Variants in SIDT1 observed in about 807,000 individuals in gnomAD.
SIDT1 encodes the protein SID1 transmembrane family member 1.
Under a neutral mutation model 107.5 loss-of-function variants are expected in SIDT1, and 101 were observed. The observed-to-expected ratio is 0.94, with a 90% CI of 0.80 to 1.11. SIDT1 has a LOEUF of 1.11. SIDT1 is among the 50% of genes least tolerant of loss of function. The pLI is 0.00. For missense variants in SIDT1, 1,076 were observed against 1,058.2 expected, an observed-to-expected ratio of 1.02 and a Z score of -0.23; for synonymous variants, 395 against 398.2, an observed-to-expected ratio of 0.99 and a Z score of 0.10.
At chr3:113,569,964 G>A (rs572448161) in intron 3 of SIDT1, among the ~76,000 whole-genome samples, 1 of 152,254 alleles carries the variant, frequency 6.6e-6, no homozygotes, top group East Asian at 1.9e-4. Context: ...GGAGTGCAAT[G>A]GCATGATCTT....
At chr3:113,567,448 G>A (rs28539944) in intron 2 of SIDT1, 92 bp from the exon 3 acceptor site, 32,687 of 1,073,052 alleles carry the variant, frequency 0.03, 1,061 homozygotes, top group African/African-American at 0.14. Flanking sequence ...AATTTGGAGA[G>A]AAGCAAAATG....
Position 113,565,366 on chromosome 3 carries a change from T to C in SIDT1, c.223-1054T>C, listed in dbSNP as rs550057346. Among the ~76,000 whole-genome samples the C allele has an allele frequency of 1.6e-3, 243 of 151,838 alleles. 1 individual carries two copies. Among genetic ancestry groups the C allele is most frequent in the African/African-American group, 5.6e-3 (232 of 41,424 alleles). On this transcript the variant is annotated intron_variant, in intron 1 of 24. Transcript: ENST00000264852. ...GGCCAACATGGTGAAACCCCATCTC[T>C]ACTAAAAATACAAAAATTAGCCAGG... is the stretch of plus-strand genomic sequence containing the variant.
chr3:113,548,986 G>T (rs1011244688), intron 1 of SIDT1, among the ~76,000 whole-genome samples: 20 of 152,172 alleles, frequency 1.3e-4, no homozygotes, highest in African/African-American at 4.8e-4. Context: ...GAAGGCAGAA[G>T]TTGAAATCAT....
chr3:113,554,655 G>A (rs1940646218), intron 1 of SIDT1, among the ~76,000 whole-genome samples: 1 of 152,136 alleles, frequency 6.6e-6, no homozygotes, highest in Non-Finnish European at 1.5e-5. Flanking sequence ...AAATTACCCA[G>A]TCTTGGGTAT....
At position 113,533,005 on chromosome 3, in the gene SIDT1, C is replaced by A; in HGVS notation, c.-17C>A. On this transcript the variant is annotated 5_prime_UTR_variant, in exon 1 of 25. Coordinates refer to ENST00000264852, the MANE Select transcript of SIDT1 (RefSeq NM_017699.3). ...CCCAGGGTGGCTCCGCTTTCGAGCCCGGGCGCGGTGCCCACCATGCGCGGC... is the reference window on the plus strand; with the variant it reads ...CCCAGGGTGGCTCCGCTTTCGAGCCAGGGCGCGGTGCCCACCATGCGCGGC... The A allele has an allele frequency of 7.4e-7, 1 of 1,345,202 alleles. No homozygotes were observed. Among genetic ancestry groups the A allele is most frequent in the Non-Finnish European group, 9.5e-7 (1 of 1,052,304 alleles). 83.3% of individuals were successfully genotyped at this position (1,345,202 alleles called of 1,614,324 possible).
chr3:113,605,930 T>C (rs1456933503), intron 14 of SIDT1, among the ~76,000 whole-genome samples: 1 of 150,992 alleles, frequency 6.6e-6, no homozygotes, highest in Non-Finnish European at 1.5e-5. Flanking sequence ...CTTGAGCCTG[T>C]GGAGGTGTAG....
chr3:113,575,384 C>T (rs1942818447), intron 3 of SIDT1, among the ~76,000 whole-genome samples: 1 of 152,234 alleles, frequency 6.6e-6, no homozygotes, highest in Non-Finnish European at 1.5e-5. Flanking sequence ...GCCCTGGTAA[C>T]ACCGGGAGAC....
rs1254863571 is a variant in SIDT1, at chr3:113,604,829, A to G, written c.1338-81A>G. ...AGTTAATTATGGACTTATGGGGTGG[A>G]AGCATTCTTTTAAAAATATTAACCA... On this transcript the variant is annotated intron_variant, in intron 13 of 24. Transcript: ENST00000264852. 8.0e-6 allele frequency: 12 copies of G among 1,504,396 alleles called. No individual in the cohort carries two copies. The East Asian group carries it at 2.3e-4, about 28-fold the overall frequency. The allele number at this position is 1,504,396 out of a possible 1,614,324, so 93.2% of individuals were successfully genotyped here.
Position 113,580,705 on chromosome 3 carries a change from T to A in SIDT1, c.659T>A (p.Ile220Asn). Residue 220 changes from isoleucine to asparagine, a missense_variant, in exon 5 of 25, where the codon ATC becomes AAC. Physicochemically the swap from Ile to Asn is moderately radical, Grantham distance 149 (BLOSUM62 -3). Transcript: ENST00000264852. ...TGTTCTGTTGTCTCAGTCCAGAATA[T>A]CATGGTGAGTGCTGATAACTTGCCA... ...YPCSVVSVQN[I>N]MCPVYDLDHN... The A allele has an allele frequency of 6.3e-7, 1 of 1,599,190 alleles. No homozygotes were observed. Among genetic ancestry groups the A allele is most frequent in the South Asian group, 1.1e-5 (1 of 90,790 alleles).
At chr3:113,577,369 G>T (rs1055436250) in intron 4 of SIDT1, among the ~76,000 whole-genome samples, 5 of 152,210 alleles carry the variant, frequency 3.3e-5, no homozygotes, top group East Asian at 1.9e-4. Flanking sequence ...GGTAGTAAAA[G>T]GCTGACACCA....
Position 113,587,535 on chromosome 3 carries a change from G to A in SIDT1, c.1001+2265G>A, listed in dbSNP as rs565828411. Among the ~76,000 whole-genome samples, 35 of 152,258 alleles carry A rather than the reference G, an allele frequency of 2.3e-4. No homozygotes were observed. In the South Asian group the frequency reaches 7.0e-3, roughly 31 times the overall value. ...TCTAATTAACTTCTTCTTGATGTTT[G>A]TTTACAAACTCCTTTTAGTGTCATA... On this transcript the variant is annotated intron_variant, in intron 9 of 24. Coordinates refer to ENST00000264852, the MANE Select transcript of SIDT1 (RefSeq NM_017699.3).
At chr3:113,578,895 T>C (rs1943120747) in intron 4 of SIDT1, among the ~76,000 whole-genome samples, 1 of 152,160 alleles carries the variant, frequency 6.6e-6, no homozygotes, top group African/African-American at 2.4e-5. Context: ...AACCCCAAAA[T>C]GGAGTAAAAT....
chr3:113,593,177 A>G, intron 10 of SIDT1, 129 bp downstream of exon 10: 1 of 817,978 alleles, frequency 1.2e-6, no homozygotes, highest in Non-Finnish European at 2.1e-6. Flanking sequence ...CCCGCAGAGT[A>G]GTCTAGCCTG....
chr3:113,561,103 G>C (rs1941387688), intron 1 of SIDT1, among the ~76,000 whole-genome samples: 1 of 152,172 alleles, frequency 6.6e-6, no homozygotes, highest in African/African-American at 2.4e-5. Flanking sequence ...CAAGGTGTCA[G>C]GGCCCATTAA....
rs150661858 is a variant in SIDT1, at chr3:113,626,158, C to A, written c.2364C>A (p.Phe788Leu). The A allele has an allele frequency of 5.6e-6, 9 of 1,614,022 alleles. No homozygotes were observed. The highest frequency in any genetic ancestry group is 1.3e-5 in the African/African-American group (1 of 74,918). ...GCGAGTGCATTCTGCTGGATTTCTTCGATGACCATGACATCTGGCACTTCC... is the reference window on the plus strand; with the variant it reads ...GCGAGTGCATTCTGCTGGATTTCTTAGATGACCATGACATCTGGCACTTCC... ...KNRECILLDF[F>L]DDHDIWHFLS... Residue 788 changes from phenylalanine to leucine, a missense_variant, in exon 24 of 25, where the codon TTC (phenylalanine) becomes TTA (leucine). Coordinates refer to ENST00000264852, the MANE Select transcript of SIDT1 (RefSeq NM_017699.3).
Position 113,610,880 on chromosome 3 carries a change from C to G in SIDT1, c.1721-128C>G. The G allele has an allele frequency of 7.8e-6, 9 of 1,158,454 alleles. No individual in the cohort carries two copies. In the South Asian group the frequency reaches 1.0e-4, roughly 13 times the overall value. The allele number at this position is 1,158,454 out of a possible 1,614,324, so 71.8% of individuals were successfully genotyped here. A position where few individuals can be genotyped will look rare whatever the true frequency, so the allele number is the denominator to read the frequency against. On this transcript the variant is annotated intron_variant, in intron 17 of 24. Coordinates refer to ENST00000264852, the MANE Select transcript of SIDT1 (RefSeq NM_017699.3). ...TGACATGTTAGAGGTCTCCACACAG[C>G]CTGCGGGTAGAAAATAGTCCATGGA...
At position 113,584,724 on chromosome 3, in the gene SIDT1, C is replaced by T. The variant is rs944799803; in HGVS notation, c.862C>T (p.Gln288Ter). 1.3e-6 allele frequency: 2 copies of T among 1,599,858 alleles called. No individual in the cohort carries two copies. Among genetic ancestry groups the T allele is most frequent in the African/African-American group, 1.4e-5 (1 of 73,566 alleles). ...AAAGGAAAACCAGACCTGGAATCTA[C>T]AGCGAAAAAAGAACCTTGAAGTGAC... ...QEKENQTWNL[Q>*]RKKNLEVTIV... is the part of the protein sequence containing the mutation. The change falls in exon 8 of 25, where the codon CAG becomes TAG. Residue 288 changes from glutamine to a stop codon, truncating the protein, a stop_gained. Transcript: ENST00000264852. LOFTEE classifies it high-confidence loss of function.
intron 1 of SIDT1, among the ~76,000 whole-genome samples, chr3:113,555,559 A>G (rs1420552056): frequency 6.6e-6 from 1 of 152,218 alleles, no homozygotes; most frequent in Admixed American, 6.5e-5. Flanking sequence ...ATTGAATTGA[A>G]TATTTTAATA....
At chr3:113,622,582 A>G (rs1946543806) in intron 21 of SIDT1, among the ~76,000 whole-genome samples, 1 of 152,160 alleles carries the variant, frequency 6.6e-6, no homozygotes, top group Admixed American at 6.5e-5. Context: ...GCTGAGTCCA[A>G]CCAAAATTAA....
Sources: gnomAD v4.1 joint callset for allele counts (sites outside exome capture counted in the v4.1 genomes callset) on GRCh38, gnomAD v4.1.1 for gene constraint, MANE v1.5 for transcripts, NCBI Gene and HGNC (gene_info 2026-07-23, HGNC 2026-07-21) for gene names.